The following ATP8A1 variants were observed in gnomAD, a reference collection of about 807,000 sequenced individuals.
ATP8A1 encodes the protein phospholipid-transporting ATPase IA.
ATP8A1 carries 90 observed loss-of-function variants against 177.7 expected under a neutral mutation model. That is an observed-to-expected ratio of 0.51 (90% CI 0.43 to 0.60). The LOEUF is 0.60. Among genes scored for constraint, ATP8A1 ranks in the 20% least tolerant of loss-of-function variants. The probability of loss-of-function intolerance (pLI) is 0.00; values close to 1 mark genes in which losing one functional copy is unlikely to be tolerated. For missense variants in ATP8A1, 1,072 were observed against 1,392.8 expected (o/e 0.77, Z 3.67); for synonymous variants, 493 against 485.9 (o/e 1.01, Z -0.19).
intron 7 of ATP8A1, among the ~76,000 whole-genome samples, 188 bp downstream of exon 7, chr4:42,590,623 A>C (rs552577616): frequency 2.0e-5 from 3 of 152,284 alleles, no homozygotes; most frequent in East Asian, 3.9e-4. Flanking sequence ...GCTGAAGGAC[A>C]AGCATCAGTC....
intron 24 of ATP8A1, among the ~76,000 whole-genome samples, chr4:42,502,275 T>C (rs1283732683): frequency 6.6e-6 from 1 of 152,184 alleles, no homozygotes; most frequent in Non-Finnish European, 1.5e-5. Context: ...ACCTTTGAAG[T>C]GTTTATTAAT....
At chr4:42,587,310 C>CTTTTTTTTTT (rs991848308) in intron 8 of ATP8A1, among the ~76,000 whole-genome samples, 1 of 137,438 alleles carries the variant, frequency 7.3e-6, no homozygotes, top group Non-Finnish European at 1.6e-5. Flanking sequence ...CTTTTCTTTT[C>CTTTTTTTTTT]TTTTTTTTTT....
intron 11 of ATP8A1, among the ~76,000 whole-genome samples, chr4:42,579,384 T>C (rs1352724356): frequency 6.8e-6 from 1 of 147,902 alleles, no homozygotes; most frequent in Admixed American, 6.8e-5. Context: ...ATTTAAATAT[T>C]TATATTATTT....
At chr4:42,651,939 C>G (rs1008644944) in intron 1 of ATP8A1, among the ~76,000 whole-genome samples, 4 of 152,208 alleles carry the variant, frequency 2.6e-5, no homozygotes, top group Non-Finnish European at 4.4e-5. Flanking sequence ...TAAGTTCAAA[C>G]ACCCATTTGA....
intron 24 of ATP8A1, among the ~76,000 whole-genome samples, chr4:42,488,871 C>T (rs992779497): frequency 5.3e-5 from 8 of 152,156 alleles, no homozygotes; most frequent in African/African-American, 4.8e-5. Flanking sequence ...GGAAAGACCG[C>T]GTTAAACCTG....
intron 27 of ATP8A1, 68 bp from the exon 28 acceptor site, chr4:42,455,667 T>G: frequency 1.4e-6 from 2 of 1,399,400 alleles, no homozygotes; most frequent in Non-Finnish European, 2.0e-6. Flanking sequence ...TAGAATCTGT[T>G]GTATACTCAA....
At chr4:42,503,704 A>T (rs16854435) in intron 23 of ATP8A1, among the ~76,000 whole-genome samples, 190 bp from the exon 24 acceptor site, 13,439 of 152,240 alleles carry the variant, frequency 0.088, 887 homozygotes, top group African/African-American at 0.18. Context: ...GATATGCAAC[A>T]AGTACATCTG....
At chr4:42,517,761 AC>A (rs1725709005) in intron 22 of ATP8A1, among the ~76,000 whole-genome samples, 1 of 152,252 alleles carries the variant, frequency 6.6e-6, no homozygotes, top group South Asian at 2.1e-4. Context: ...TGAAAAGCTT[AC>A]CATATGAATG....
intron 22 of ATP8A1, among the ~76,000 whole-genome samples, chr4:42,509,887 T>G: frequency 6.6e-6 from 1 of 151,998 alleles, no homozygotes; most frequent in East Asian, 1.9e-4. Context: ...ATTGTTTCTT[T>G]TAAGCTTTCC....
intron 22 of ATP8A1, among the ~76,000 whole-genome samples, chr4:42,508,244 T>C (rs1245501047): frequency 6.6e-6 from 1 of 152,204 alleles, no homozygotes; most frequent in Non-Finnish European, 1.5e-5. Context: ...GTGATTCTCC[T>C]GCCTCAGCCT....
Position 42,581,792 on chromosome 4 carries a change from T to A in ATP8A1, c.723-60A>T. On this transcript the variant is annotated intron_variant, in intron 9 of 36. Transcript: ENST00000381668. ...TTTCTAAAATGCTTAAGAACTCTAG[T>A]TACCATATAGTTACAAAAGTACCCA... 3 of 1,255,038 alleles carry A rather than the reference T, an allele frequency of 2.4e-6. No individual in the cohort carries two copies. The South Asian group carries it at 3.7e-5, about 16-fold the overall frequency. 77.7% of individuals were successfully genotyped at this position (1,255,038 alleles called of 1,614,324 possible). A position where few individuals can be genotyped will look rare whatever the true frequency, so the allele number is the denominator to read the frequency against.
intron 20 of ATP8A1, among the ~76,000 whole-genome samples, chr4:42,540,267 A>G (rs1728251172): frequency 6.6e-6 from 1 of 152,210 alleles, no homozygotes; most frequent in Non-Finnish European, 1.5e-5. Flanking sequence ...ATTATCAAAA[A>G]GACAACAAAT....
chr4:42,433,207 C>T (rs1292356712), intron 33 of ATP8A1, among the ~76,000 whole-genome samples: 1 of 152,132 alleles, frequency 6.6e-6, no homozygotes, highest in Non-Finnish European at 1.5e-5. Context: ...CTTTTCACAC[C>T]CACCTTCCTG....
intron 15 of ATP8A1, among the ~76,000 whole-genome samples, chr4:42,559,507 A>G (rs1480579970): frequency 6.6e-6 from 1 of 152,258 alleles, no homozygotes; most frequent in African/African-American, 2.4e-5. Flanking sequence ...GAAAATAGTA[A>G]AGCATGTATC....
At chr4:42,462,294 C>T (rs977742125) in intron 27 of ATP8A1, among the ~76,000 whole-genome samples, 1 of 152,216 alleles carries the variant, frequency 6.6e-6, no homozygotes, top group East Asian at 1.9e-4. Flanking sequence ...CCATCACAGG[C>T]CCAGAGGCCT....
intron 19 of ATP8A1, 112 bp downstream of exon 19, chr4:42,548,901 A>G: frequency 1.2e-6 from 1 of 828,618 alleles, no homozygotes; most frequent in Non-Finnish European, 1.9e-6. Flanking sequence ...TTTTGTCTAA[A>G]CAAATTTAGT....
At chr4:42,627,356 C>G (rs894809823) in intron 1 of ATP8A1, among the ~76,000 whole-genome samples, 2 of 152,118 alleles carry the variant, frequency 1.3e-5, no homozygotes, top group Admixed American at 1.3e-4. Context: ...CTTTCCATTT[C>G]CCCCGTAAGT....
At chr4:42,430,773 CT>C (rs1476510354) in intron 33 of ATP8A1, among the ~76,000 whole-genome samples, 2 of 152,120 alleles carry the variant, frequency 1.3e-5, no homozygotes, top group East Asian at 3.8e-4. Flanking sequence ...AATAATAGTG[CT>C]TTTACTAGTC....
intron 1 of ATP8A1, among the ~76,000 whole-genome samples, chr4:42,629,337 G>A (rs1160275860): frequency 6.6e-6 from 1 of 152,226 alleles, no homozygotes; most frequent in East Asian, 1.9e-4. Context: ...TCTGAGCACA[G>A]GATTTCACAG....
Sources: allele counts gnomAD v4.1 joint callset (sites outside exome capture counted in the v4.1 genomes callset), GRCh38; gene constraint gnomAD v4.1.1; transcripts MANE v1.5; gene names NCBI Gene and HGNC (gene_info 2026-07-23, HGNC 2026-07-21).